The following NAALADL2 variants were observed in gnomAD, a reference collection of about 807,000 sequenced individuals.
The protein encoded by NAALADL2 is inactive N-acetylated-alpha-linked acidic dipeptidase-like protein 2.
NAALADL2 carries 76 observed loss-of-function variants against 87.2 expected under a neutral mutation model. The observed-to-expected ratio is 0.87, with a 90% CI of 0.72 to 1.05. The LOEUF (loss-of-function observed/expected upper bound fraction) is 1.05. Among genes scored for constraint, NAALADL2 ranks in the 50% least tolerant of loss-of-function variants. NAALADL2 has a pLI of 0.00. For synonymous variants in NAALADL2, 354 were observed against 331.0 expected (o/e 1.07, Z -0.75); for missense variants, 1,089 against 945.8 (o/e 1.15, Z -1.99).
At chr3:175,406,563 A>G (rs1712414283) in intron 5 of NAALADL2, among the ~76,000 whole-genome samples, 1 of 152,196 alleles carries the variant, frequency 6.6e-6, no homozygotes, top group Non-Finnish European at 1.5e-5. Context: ...CAGTGTTAAT[A>G]TCATTATTAT....
chr3:174,605,975 C>G (rs1719005270), intron 2 of NAALADL2, among the ~76,000 whole-genome samples: 1 of 152,178 alleles, frequency 6.6e-6, no homozygotes, highest in Non-Finnish European at 1.5e-5. Context: ...GACAAAACTT[C>G]CAGAGGAACG....
At chr3:174,607,400 G>C (rs1719219810) in intron 2 of NAALADL2, among the ~76,000 whole-genome samples, 1 of 151,292 alleles carries the variant, frequency 6.6e-6, no homozygotes, top group Non-Finnish European at 1.5e-5. Context: ...AGACCCATCA[G>C]TGTGCTGTAT....
chr3:175,565,068 A>G (rs1356667542), intron 9 of NAALADL2, among the ~76,000 whole-genome samples: 1 of 152,234 alleles, frequency 6.6e-6, no homozygotes, highest in East Asian at 1.9e-4. Context: ...CAGCAGCTTA[A>G]CAGCGCTTTT....
At chr3:175,223,740 A>G (rs1382690934) in intron 2 of NAALADL2, among the ~76,000 whole-genome samples, 1 of 152,200 alleles carries the variant, frequency 6.6e-6, no homozygotes, top group Non-Finnish European at 1.5e-5. Context: ...GATGTCAAAT[A>G]GGAGCTTTAT....
At chr3:175,490,653 C>G (rs948506408) in intron 9 of NAALADL2, among the ~76,000 whole-genome samples, 12 of 151,854 alleles carry the variant, frequency 7.9e-5, no homozygotes, top group African/African-American at 2.7e-4. Context: ...TCTCGGCCTC[C>G]CAAAGTGCTG....
At chr3:174,626,480 C>A (rs1258646133) in intron 2 of NAALADL2, among the ~76,000 whole-genome samples, 1 of 151,876 alleles carries the variant, frequency 6.6e-6, no homozygotes, top group African/African-American at 2.4e-5. Context: ...TGGGTTTTCA[C>A]CTTTTGGTTT....
chr3:175,274,270 T>A (rs1753268895), intron 4 of NAALADL2, among the ~76,000 whole-genome samples: 1 of 152,170 alleles, frequency 6.6e-6, no homozygotes, highest in Admixed American at 6.5e-5. Context: ...GAGAACAGCA[T>A]GGGAAAATCC....
At chr3:174,498,392 T>A (rs1418459233) in intron 1 of NAALADL2, among the ~76,000 whole-genome samples, 1 of 152,036 alleles carries the variant, frequency 6.6e-6, no homozygotes, top group African/African-American at 2.4e-5. Context: ...GGAGTAGTAT[T>A]CCATTGTATA....
At chr3:175,350,981 C>A (rs190637810) in intron 5 of NAALADL2, among the ~76,000 whole-genome samples, 3 of 151,872 alleles carry the variant, frequency 2.0e-5, no homozygotes, top group East Asian at 3.9e-4. Flanking sequence ...TTATAATTAC[C>A]AACAGCAGAT....
intron 11 of NAALADL2, among the ~76,000 whole-genome samples, chr3:175,657,386 CT>C (rs1206217467): frequency 6.6e-6 from 1 of 152,068 alleles, no homozygotes; most frequent in Admixed American, 6.6e-5. Context: ...TGTAAAACAA[CT>C]TTTTATTTTC....
chr3:175,685,731 T>C (rs1336949328), intron 11 of NAALADL2, among the ~76,000 whole-genome samples: 2 of 152,082 alleles, frequency 1.3e-5, no homozygotes, highest in Non-Finnish European at 2.9e-5. Context: ...AGCTGATGTT[T>C]CTGTTCAAGT....
intron 1 of NAALADL2, among the ~76,000 whole-genome samples, chr3:174,441,293 C>T (rs1404775276): frequency 6.6e-6 from 1 of 152,112 alleles, no homozygotes; most frequent in South Asian, 2.1e-4. Flanking sequence ...TCTGGCAGTC[C>T]GCGAGGCGCG....
intron 2 of NAALADL2, among the ~76,000 whole-genome samples, chr3:175,168,161 T>C (rs1312580543): frequency 5.9e-5 from 8 of 135,728 alleles, no homozygotes; most frequent in Non-Finnish European, 1.7e-5. Context: ...GTAAGTTACA[T>C]TAAAAAATAT....
chr3:174,472,465 G>A (rs1361318192), intron 1 of NAALADL2, among the ~76,000 whole-genome samples: 3 of 152,190 alleles, frequency 2.0e-5, no homozygotes, highest in African/African-American at 7.2e-5. Context: ...GTTGGTGACA[G>A]TGTGTAGGGG....
In NAALADL2 at chr3:174,596,439, C is replaced by T. The variant is rs373665135; in HGVS notation, c.-115+45802C>T. Among the ~76,000 whole-genome samples the T allele has an allele frequency of 1.6e-4, 24 of 152,250 alleles. No individual in the cohort carries two copies. The South Asian group carries it at 2.9e-3, about 18-fold the overall frequency. ...ACTTATTCACTGTTTTGTTTTTACA[C>T]GCTATTTCAGTGGTTCTCAAATTTT... On this transcript the variant is annotated intron_variant, in intron 2 of 3. Coordinates refer to the NAALADL2 transcript ENST00000434257.
chr3:174,494,668 C>T (rs10936798), intron 1 of NAALADL2, among the ~76,000 whole-genome samples: 62,868 of 150,540 alleles, frequency 0.42, 14,106 homozygotes, highest in East Asian at 0.88. Context: ...CAGAAGGTGA[C>T]AAGGGCTTAT....
chr3:174,927,958 A>G (rs1430936819), intron 1 of NAALADL2, among the ~76,000 whole-genome samples: 1 of 152,160 alleles, frequency 6.6e-6, no homozygotes, highest in Non-Finnish European at 1.5e-5. Context: ...TTTCATAGTG[A>G]GCACACAGGT....
chr3:174,779,873 T>C (rs1444838232), intron 3 of NAALADL2, among the ~76,000 whole-genome samples: 4 of 152,176 alleles, frequency 2.6e-5, no homozygotes, highest in African/African-American at 9.7e-5. Context: ...TTGGTTACTG[T>C]AGCCTTGTAG....
In NAALADL2 at chr3:175,187,496, AT is replaced by A. The variant is rs1364006921; in HGVS notation, c.546-46429del. Reference sequence around the variant, plus strand: ...GAATCTCTGTTTTCCTCAAGCTTTTATTTTTTGTTCCCGCAAGTCTTTAATT... The same window carrying A: ...GAATCTCTGTTTTCCTCAAGCTTTTATTTTTGTTCCCGCAAGTCTTTAATT... On this transcript the variant is annotated intron_variant, in intron 2 of 13. Transcript: ENST00000454872. Among the ~76,000 whole-genome samples, 3 of 151,994 alleles carry A rather than the reference AT, an allele frequency of 2.0e-5. No individual in the cohort carries two copies. In the East Asian group the frequency reaches 5.8e-4, roughly 29 times the overall value.
Sources: gnomAD v4.1 joint callset for allele counts (sites outside exome capture counted in the v4.1 genomes callset) on GRCh38, gnomAD v4.1.1 for gene constraint, MANE v1.5 for transcripts, NCBI Gene and HGNC (gene_info 2026-07-23, HGNC 2026-07-21) for gene names.